The following PCDHAC2 variants were observed in gnomAD, a reference collection of about 807,000 sequenced individuals.
PCDHAC2 encodes protocadherin alpha-C2.
Under a neutral mutation model 63.3 loss-of-function variants are expected in PCDHAC2, and 24 were observed. The observed-to-expected ratio is 0.38, with a 90% CI of 0.27 to 0.53. PCDHAC2 has a LOEUF of 0.53. Ranked by LOEUF, PCDHAC2 falls within the 20% of genes least tolerant of loss-of-function variation. The pLI, the probability that PCDHAC2 is intolerant of heterozygous loss-of-function variation, is 0.81. For missense variants in PCDHAC2, 1,181 were observed against 1,275.2 expected (o/e 0.93, Z 1.12); for synonymous variants, 569 against 529.4 (o/e 1.07, Z -1.03).
At chr5:140,975,750 CTA>C (rs2096680444) in intron 1 of PCDHAC2, among the ~76,000 whole-genome samples, 2 of 152,118 alleles carry the variant, frequency 1.3e-5, no homozygotes, top group African/African-American at 4.8e-5. Flanking sequence ...CTCAAATATT[CTA>C]TGTCATAAAT....
At chr5:140,986,181 G>A (rs531382269) in intron 3 of PCDHAC2, among the ~76,000 whole-genome samples, 1 of 152,152 alleles carries the variant, frequency 6.6e-6, no homozygotes, top group Admixed American at 6.6e-5. Flanking sequence ...AACAAGTCAG[G>A]CATTAAATTG....
chr5:140,985,739 C>CTTT (rs11372071), intron 3 of PCDHAC2, among the ~76,000 whole-genome samples: 39 of 117,922 alleles, frequency 3.3e-4, no homozygotes, highest in Non-Finnish European at 4.1e-4. Context: ...TGATGAATTC[C>CTTT]TTTTTTTTTT....
chr5:140,967,146 AC>A lies in PCDHAC2; in HGVS notation c.384del (p.Val129TrpfsTer3). On this transcript the variant is annotated frameshift_variant, in exon 1 of 4. Coordinates refer to ENST00000289269, the MANE Select transcript of PCDHAC2 (RefSeq NM_018899.6). LOFTEE classifies it high-confidence loss of function. Reference sequence around the variant, plus strand: ...CTCAGCTTGGAAGTGCTGGCGCACAACCCCGTGGCGGTGAGCGCCGTTGAGG... The same window carrying A: ...CTCAGCTTGGAAGTGCTGGCGCACAACCCGTGGCGGTGAGCGCCGTTGAGG... ...CLLSLEVLAH[N>X]PVAVSAVEVE... The A allele has an allele frequency of 6.2e-7, 1 of 1,610,972 alleles. No homozygotes were observed. The highest frequency in any genetic ancestry group is 8.5e-7 in the Non-Finnish European group (1 of 1,177,838).
chr5:140,984,505 TGATGCATGAGTCACA>T (rs2097106604), intron 3 of PCDHAC2, among the ~76,000 whole-genome samples: 1 of 152,206 alleles, frequency 6.6e-6, no homozygotes, highest in African/African-American at 2.4e-5. Context: ...GCCTGGCTGC[TGATGCATGAGTCACA>T]GTCTTCATGG....
chr5:140,991,433 T>G (rs1441155854), intron 3 of PCDHAC2, among the ~76,000 whole-genome samples: 1 of 152,194 alleles, frequency 6.6e-6, no homozygotes, highest in Non-Finnish European at 1.5e-5. Context: ...AACCATAAAC[T>G]TCATGGCTTA....
chr5:140,984,164 A>G (rs1471799520), intron 3 of PCDHAC2, among the ~76,000 whole-genome samples: 1 of 152,208 alleles, frequency 6.6e-6, no homozygotes, highest in Non-Finnish European at 1.5e-5. Context: ...GAACTTCCCA[A>G]AGAAGCCACG....
chr5:140,977,681 A>G (rs1363970729), intron 1 of PCDHAC2, among the ~76,000 whole-genome samples: 2 of 152,208 alleles, frequency 1.3e-5, no homozygotes, highest in African/African-American at 4.8e-5. Context: ...AATATCATGT[A>G]GCCATCCAGA....
chr5:140,990,783 G>A (rs932115900), intron 3 of PCDHAC2, among the ~76,000 whole-genome samples: 5 of 152,170 alleles, frequency 3.3e-5, no homozygotes, highest in African/African-American at 7.2e-5. Flanking sequence ...TGTGTTGGAC[G>A]ATGAACCATG....
chr5:140,967,841 A>G lies in PCDHAC2; in HGVS notation c.1075A>G (p.Asn359Asp). Residue 359 changes from asparagine to aspartate, a missense_variant, in exon 1 of 4, where the codon AAT becomes GAT. Asn to Asp is a conservative substitution (Grantham distance 23). Transcript: ENST00000289269. The part of the protein sequence containing the change: ...CKVLVDIVDV[N>D]DNAPEVVLTD... ...GGTGCTGGTGGACATCGTGGACGTG[A>G]ATGACAATGCCCCAGAGGTGGTGCT... 1 of 1,614,114 alleles carries G rather than the reference A, an allele frequency of 6.2e-7. No individual in the cohort carries two copies. Among genetic ancestry groups the G allele is most frequent in the Non-Finnish European group, 8.5e-7 (1 of 1,180,030 alleles).
At chr5:140,983,641 C>T (rs1030470329) in intron 3 of PCDHAC2, among the ~76,000 whole-genome samples, 4 of 152,164 alleles carry the variant, frequency 2.6e-5, no homozygotes, top group Admixed American at 1.3e-4. Flanking sequence ...CCCAAGTTCA[C>T]GTAGCTTGTA....
At chr5:140,987,314 G>A (rs1554249065) in intron 3 of PCDHAC2, among the ~76,000 whole-genome samples, 1 of 152,126 alleles carries the variant, frequency 6.6e-6, no homozygotes, top group Non-Finnish European at 1.5e-5. Flanking sequence ...CCAATGTACT[G>A]TGAAGTTTTA....
At position 141,011,014 on chromosome 5, in the gene PCDHAC2, C is replaced by T. The variant is rs2098419102; in HGVS notation, c.*1077C>T. On this transcript the variant is annotated 3_prime_UTR_variant, in exon 4 of 4. Coordinates refer to ENST00000289269, the MANE Select transcript of PCDHAC2 (RefSeq NM_018899.6). ...CATCTGTATTATATCGGCCACCTGC[C>T]AATCACAGCTTTACTCTTTCAGGTC... 6.5e-6 allele frequency: 1 copy of T among 153,758 alleles called. No individual in the cohort carries two copies. Among genetic ancestry groups the T allele is most frequent in the Admixed American group, 6.5e-5 (1 of 15,286 alleles). 9.5% of individuals were successfully genotyped at this position (153,758 alleles called of 1,614,324 possible).
intron 1 of PCDHAC2, among the ~76,000 whole-genome samples, chr5:140,977,977 C>T (rs193229659): frequency 2.0e-5 from 3 of 152,222 alleles, no homozygotes; most frequent in South Asian, 2.1e-4. Context: ...CCCATGAAAA[C>T]GCATCTAGAG....
rs2096135950 is a variant in PCDHAC2, at chr5:140,967,390, G to C, written c.624G>C (p.Glu208Asp). ...KPLQENSKVL[E>D]LVLRKGLDRE... ...TGCAGGAGAACAGTAAAGTGCTTGA[G>C]CTGGTGCTGCGTAAGGGCCTAGACC... Residue 208 changes from glutamate to aspartate, a missense_variant, in exon 1 of 4, where the codon GAG becomes GAC. By Grantham distance (45) the Glu-to-Asp change is conservative (BLOSUM62 2). This residue lies in a region of PCDHAC2 where 968 missense variants were observed against 1,073.5 expected (regional missense o/e 0.90). Coordinates refer to ENST00000289269, the MANE Select transcript of PCDHAC2 (RefSeq NM_018899.6). 6.2e-7 allele frequency: 1 copy of C among 1,609,870 alleles called. No individual in the cohort carries two copies. Among genetic ancestry groups the C allele is most frequent in the African/African-American group, 1.3e-5 (1 of 74,990 alleles).
intron 3 of PCDHAC2, among the ~76,000 whole-genome samples, chr5:140,999,845 T>C (rs1293721817): frequency 6.6e-6 from 1 of 152,188 alleles, no homozygotes; most frequent in African/African-American, 2.4e-5. Context: ...CAAGTGTATT[T>C]ATCTCTTCCG....
In PCDHAC2 at chr5:140,993,460, T is replaced by TCCCA. The variant is rs1554253699; in HGVS notation, c.2713+10898_2713+10899insCCAC. On this transcript the variant is annotated intron_variant, in intron 3 of 3. Transcript: ENST00000289269. Reference sequence around the variant, plus strand: ...TTCATTCCTGTTCTCCTTCTTTCTTTCTCACACACACACACACACACACAC... The same window carrying TCCCA: ...TTCATTCCTGTTCTCCTTCTTTCTTTCCCACTCACACACACACACACACACACAC... Among the ~76,000 whole-genome samples, 30 of 104,506 alleles carry TCCCA rather than the reference T, an allele frequency of 2.9e-4. 1 individual carries two copies. The highest frequency in any genetic ancestry group is 1.1e-3 in the African/African-American group (29 of 25,484). The allele number at this position is 104,506 out of a possible 152,430, so 68.6% of individuals were successfully genotyped here.
intron 3 of PCDHAC2, among the ~76,000 whole-genome samples, chr5:140,984,356 A>G (rs556586072): frequency 1.3e-5 from 2 of 152,362 alleles, no homozygotes; most frequent in African/African-American, 4.8e-5. Flanking sequence ...GATATTTCAT[A>G]CATCTGGCCA....
chr5:140,982,843 A>G (rs782122104), intron 3 of PCDHAC2, among the ~76,000 whole-genome samples: 1 of 152,090 alleles, frequency 6.6e-6, no homozygotes, highest in Non-Finnish European at 1.5e-5. Flanking sequence ...GTTTGTTTAA[A>G]TCAGGTACCT....
At position 140,966,692 on chromosome 5, in the gene PCDHAC2, G is replaced by A; in HGVS notation, c.-75G>A. On this transcript the variant is annotated 5_prime_UTR_variant, in exon 1 of 4. Transcript: ENST00000289269. Reference sequence around the variant, plus strand: ...GCAGGGTGGCACGAGCGGAGGCGGGGCCCGGGCGTGGGGCACGGCTGGGGA... The same window carrying A: ...GCAGGGTGGCACGAGCGGAGGCGGGACCCGGGCGTGGGGCACGGCTGGGGA... The A allele has an allele frequency of 1.5e-6, 2 of 1,352,080 alleles. No homozygotes were observed. Among genetic ancestry groups the A allele is most frequent in the East Asian group, 2.9e-5 (1 of 34,024 alleles). 83.8% of individuals were successfully genotyped at this position (1,352,080 alleles called of 1,614,324 possible). A position where few individuals can be genotyped will look rare whatever the true frequency, so the allele number is the denominator to read the frequency against.
Sources: allele counts gnomAD v4.1 joint callset (sites outside exome capture counted in the v4.1 genomes callset), GRCh38; gene constraint gnomAD v4.1.1; regional missense constraint gnomAD v4.1.1; transcripts MANE v1.5; gene names NCBI Gene and HGNC (gene_info 2026-07-23, HGNC 2026-07-21).